The following DDHD1 variants were observed in gnomAD, a reference collection of about 807,000 sequenced individuals.
DDHD1 encodes the protein DDHD domain containing 1.
Under a neutral mutation model 96.4 loss-of-function variants are expected in DDHD1, and 49 were observed. The observed-to-expected ratio is 0.51, with a 90% CI of 0.40 to 0.64. The LOEUF (loss-of-function observed/expected upper bound fraction) is 0.64. DDHD1 is among the 30% of genes least tolerant of loss of function. DDHD1 has a pLI of 0.00. For missense variants in DDHD1, 1,106 were observed against 1,161.2 expected (o/e 0.95, Z 0.69); for synonymous variants, 442 against 446.5 (o/e 0.99, Z 0.13).
intron 2 of DDHD1, among the ~76,000 whole-genome samples, chr14:53,102,676 G>A (rs1038414848): frequency 6.6e-6 from 1 of 151,994 alleles, no homozygotes; most frequent in Non-Finnish European, 1.5e-5. Context: ...AGAGCAAAGA[G>A]TGGCAGAGAG....
At chr14:53,133,744 T>G (rs112335126) in intron 1 of DDHD1, among the ~76,000 whole-genome samples, 214 of 152,288 alleles carry the variant, frequency 1.4e-3, no homozygotes, top group African/African-American at 5.0e-3. Flanking sequence ...CTTCCAGTCC[T>G]CCAGCAAGCT....
Position 53,072,709 on chromosome 14 carries a change from AAAAC to A in DDHD1, c.1397-10_1397-7del, listed in dbSNP as rs759422578. ...AGTAATGGAATCAACAGTGTCTACA[AAAAC>A]AAACAAAAAAAGCAAGTTAACTTAT... On this transcript the variant is annotated splice_region_variant and splice_polypyrimidine_tract_variant and intron_variant, in intron 5 of 12. Transcript: ENST00000673822. 3.3e-5 allele frequency: 52 copies of A among 1,585,446 alleles called. No homozygotes were observed. In the African/African-American group the frequency reaches 6.4e-4, roughly 19 times the overall value.
chr14:53,131,002 G>A (rs752969799), intron 1 of DDHD1, among the ~76,000 whole-genome samples: 7 of 152,006 alleles, frequency 4.6e-5, no homozygotes, highest in African/African-American at 4.8e-5. Flanking sequence ...TCTTTTCAAC[G>A]GCCTGTTTCC....
chr14:53,073,491 G>C (rs1884701505), intron 5 of DDHD1, among the ~76,000 whole-genome samples: 1 of 151,962 alleles, frequency 6.6e-6, no homozygotes, highest in African/African-American at 2.4e-5. Flanking sequence ...ACAATCCAGA[G>C]GGCATGCATG....
chr14:53,070,694 T>C (rs556744542), intron 6 of DDHD1, among the ~76,000 whole-genome samples: 2 of 152,196 alleles, frequency 1.3e-5, no homozygotes, highest in Non-Finnish European at 2.9e-5. Context: ...CAGAAAATAT[T>C]TGGCAAATTA....
chr14:53,047,174 T>C (rs540738205), intron 12 of DDHD1, among the ~76,000 whole-genome samples: 87 of 151,578 alleles, frequency 5.7e-4, no homozygotes, highest in African/African-American at 2.0e-3. Context: ...AAAGTTAATA[T>C]AAAATAATAA....
At chr14:53,080,834 C>T (rs563220130) in intron 4 of DDHD1, among the ~76,000 whole-genome samples, 2 of 150,064 alleles carry the variant, frequency 1.3e-5, no homozygotes, top group East Asian at 2.0e-4. Flanking sequence ...TGGGCTCAAG[C>T]GATTCTCCTG....
chr14:53,137,886 G>C (rs536422104), intron 1 of DDHD1, among the ~76,000 whole-genome samples: 1 of 152,138 alleles, frequency 6.6e-6, no homozygotes, highest in African/African-American at 2.4e-5. Context: ...AATAAAGTCA[G>C]GGGGTTGGGG....
chr14:53,153,029 A>T lies in DDHD1; in HGVS notation c.70T>A (p.Trp24Arg). ...GGCCTCGCGTCTGAGCCCAGCTCCC[A>T]GGCGCCGCCGCCGCCGCCTCGGCCG... ...HNGRGGGGGA[W>R]ELGSDARPAF... The change falls in exon 1 of 13, where the codon TGG (tryptophan) becomes AGG (arginine). Residue 24 changes from tryptophan to arginine, a missense_variant. By Grantham distance (101) the Trp-to-Arg change is moderately radical. Transcript: ENST00000673822. 6.7e-7 allele frequency: 1 copy of T among 1,499,834 alleles called. No individual in the cohort carries two copies. Among genetic ancestry groups the T allele is most frequent in the Non-Finnish European group, 8.8e-7 (1 of 1,130,112 alleles). 92.9% of individuals were successfully genotyped at this position (1,499,834 alleles called of 1,614,324 possible).
chr14:53,090,127 T>C (rs1886311566), intron 4 of DDHD1, among the ~76,000 whole-genome samples: 1 of 152,168 alleles, frequency 6.6e-6, no homozygotes, highest in Non-Finnish European at 1.5e-5. Context: ...GAAAAAATGC[T>C]CATCATCACT....
chr14:53,114,725 C>CA (rs1888410939), intron 1 of DDHD1, among the ~76,000 whole-genome samples: 3 of 152,340 alleles, frequency 2.0e-5, no homozygotes, highest in Admixed American at 2.0e-4. Context: ...CAAAGGTCAT[C>CA]AGCCTCAAAG....
chr14:53,130,561 C>T (rs541333812), intron 1 of DDHD1, among the ~76,000 whole-genome samples: 1 of 152,204 alleles, frequency 6.6e-6, no homozygotes, highest in South Asian at 2.1e-4. Flanking sequence ...TTACTTGCCT[C>T]CGCTGTGAGA....
intron 1 of DDHD1, 24 bp downstream of exon 1, chr14:53,152,237 C>A: frequency 6.3e-7 from 1 of 1,577,602 alleles, no homozygotes; most frequent in Non-Finnish European, 8.6e-7. Flanking sequence ...GCCCGTCCTG[C>A]CCTAACCCCG....
At chr14:53,119,381 G>C (rs1048000084) in intron 1 of DDHD1, among the ~76,000 whole-genome samples, 2 of 152,036 alleles carry the variant, frequency 1.3e-5, no homozygotes, top group Non-Finnish European at 2.9e-5. Context: ...ATTGGATAAA[G>C]AGTCAAGGTA....
At chr14:53,150,945 T>C (rs1891302361) in intron 1 of DDHD1, among the ~76,000 whole-genome samples, 1 of 152,320 alleles carries the variant, frequency 6.6e-6, no homozygotes, top group East Asian at 1.9e-4. Context: ...AAAATGGTAA[T>C]GAATGCCTTT....
chr14:53,060,827 C>T (rs1242617804), intron 8 of DDHD1, among the ~76,000 whole-genome samples: 1 of 152,122 alleles, frequency 6.6e-6, no homozygotes, highest in Non-Finnish European at 1.5e-5. Context: ...ACAAATATCA[C>T]TCCTTTGTAA....
chr14:53,069,487 T>C (rs1415603844), intron 6 of DDHD1, among the ~76,000 whole-genome samples: 1 of 152,204 alleles, frequency 6.6e-6, no homozygotes, highest in Non-Finnish European at 1.5e-5. Context: ...GGTATGCATA[T>C]CTGTTTAGAC....
At chr14:53,119,109 A>G (rs1377547795) in intron 1 of DDHD1, among the ~76,000 whole-genome samples, 2 of 152,224 alleles carry the variant, frequency 1.3e-5, no homozygotes, top group African/African-American at 4.8e-5. Context: ...AGACAAGCAA[A>G]TGCTGAGAGA....
chr14:53,103,901 C>G (rs1887497878), intron 1 of DDHD1, 45 bp from the exon 2 acceptor site: 1 of 1,505,948 alleles, frequency 6.6e-7, no homozygotes, highest in Admixed American at 2.3e-5. Context: ...TAAGATTCAA[C>G]TTCCCCAAAA....
Sources: allele counts gnomAD v4.1 joint callset (sites outside exome capture counted in the v4.1 genomes callset), GRCh38; gene constraint gnomAD v4.1.1; transcripts MANE v1.5; gene names NCBI Gene and HGNC (gene_info 2026-07-23, HGNC 2026-07-21).